The following GPHN variants were observed in gnomAD, a reference collection of about 807,000 sequenced individuals.
GPHN encodes the protein gephyrin.
Under a neutral mutation model 95.5 loss-of-function variants are expected in GPHN, and 17 were observed. That is an observed-to-expected ratio of 0.18 (90% CI 0.12 to 0.27). The LOEUF (loss-of-function observed/expected upper bound fraction) is 0.27. GPHN is among the 10% of genes least tolerant of loss of function. The pLI is 1.00. For synonymous variants in GPHN, 320 were observed against 322.5 expected, an observed-to-expected ratio of 0.99 and a Z score of 0.08; for missense variants, 660 against 978.1, an observed-to-expected ratio of 0.67 and a Z score of 4.34.
chr14:66,886,726 G>T, intron 5 of GPHN, among the ~76,000 whole-genome samples: 1 of 152,092 alleles, frequency 6.6e-6, no homozygotes, highest in Admixed American at 6.6e-5. Flanking sequence ...ACTGAACAGA[G>T]CCTAAGGGAC....
chr14:67,374,187 T>C, the GPHN span, among the ~76,000 whole-genome samples: 1 of 152,198 alleles, frequency 6.6e-6, no homozygotes, highest in African/African-American at 2.4e-5. Context: ...GAAATGTTCA[T>C]TGGAGCATTT....
At chr14:67,679,375 C>G in the GPHN span, among the ~76,000 whole-genome samples, 104 of 152,054 alleles carry the variant, frequency 6.8e-4, no homozygotes, top group African/African-American at 2.4e-3. Context: ...TTTCATATAC[C>G]CTCTCTTCAT....
At chr14:67,321,287 T>G in the GPHN span, 8 of 1,609,146 alleles carry the variant, frequency 5.0e-6, no homozygotes, top group Non-Finnish European at 6.8e-6. Flanking sequence ...TTTTAGGGTT[T>G]GAACTTAGAA....
At position 66,681,397 on chromosome 14, in the gene GPHN, A is replaced by C. The variant is rs561517234; in HGVS notation, c.143+212A>C. The stretch of plus-strand genomic sequence containing the variant: ...TGTCATGATTAATGATTGATTTTCA[A>C]GGAGGAATCCTGATGGCTGATGATA... On this transcript the variant is annotated intron_variant, in intron 2 of 22. Coordinates refer to ENST00000478722, the MANE Select transcript of GPHN (RefSeq NM_020806.5). Among the ~76,000 whole-genome samples the C allele has an allele frequency of 2.6e-5, 4 of 152,312 alleles. No individual in the cohort carries two copies. In the East Asian group the frequency reaches 7.7e-4, roughly 29 times the overall value.
intron 1 of GPHN, among the ~76,000 whole-genome samples, chr14:66,614,781 A>G: frequency 6.6e-6 from 1 of 152,086 alleles, no homozygotes; most frequent in East Asian, 1.9e-4. Flanking sequence ...ATACATATGC[A>G]GAACCTGCAG....
the GPHN span, among the ~76,000 whole-genome samples, chr14:67,506,301 C>T: frequency 6.6e-6 from 1 of 152,076 alleles, no homozygotes; most frequent in Non-Finnish European, 1.5e-5. Context: ...CTATGAATAA[C>T]CAGAAAAGTT....
At chr14:67,089,133 C>CT (rs1163483546) in intron 12 of GPHN, 58 bp downstream of exon 12, 15,320 of 196,610 alleles carry the variant, frequency 0.078, 25 homozygotes, top group Non-Finnish European at 0.087. Flanking sequence ...TTCTTTTTTT[C>CT]TTTTTTTTTT....
intron 9 of GPHN, among the ~76,000 whole-genome samples, chr14:67,019,103 C>G (rs1239467393): frequency 6.6e-6 from 1 of 152,114 alleles, no homozygotes; most frequent in Non-Finnish European, 1.5e-5. Context: ...TCCTGAAGAG[C>G]TGAAATAAGC....
At chr14:67,441,115 T>C in the GPHN span, among the ~76,000 whole-genome samples, 6 of 152,188 alleles carry the variant, frequency 3.9e-5, no homozygotes, top group African/African-American at 1.4e-4. Flanking sequence ...AACATTTAGA[T>C]GAACGTTTTT....
At chr14:67,393,199 A>G in the GPHN span, 4 of 1,613,896 alleles carry the variant, frequency 2.5e-6, no homozygotes, top group Non-Finnish European at 3.4e-6. Flanking sequence ...TGGGGCTTGA[A>G]CGGATTCCGG....
chr14:66,590,871 A>G (rs2061611427), intron 1 of GPHN, among the ~76,000 whole-genome samples: 1 of 152,194 alleles, frequency 6.6e-6, no homozygotes, highest in Non-Finnish European at 1.5e-5. Context: ...TTTCAGGCCA[A>G]TATCCCTGAT....
chr14:66,513,869 T>C (rs1252259108), intron 1 of GPHN, among the ~76,000 whole-genome samples: 2 of 151,990 alleles, frequency 1.3e-5, no homozygotes, highest in African/African-American at 4.8e-5. Context: ...TAGAGCTTCT[T>C]GAAAATTTTG....
chr14:66,780,434 A>G (rs1484234387), intron 3 of GPHN, among the ~76,000 whole-genome samples: 14 of 152,154 alleles, frequency 9.2e-5, no homozygotes, highest in Non-Finnish European at 1.9e-4. Context: ...CCCTAAAGGC[A>G]GAGTATTAAT....
the GPHN span, among the ~76,000 whole-genome samples, chr14:67,515,694 T>G: frequency 6.6e-6 from 1 of 152,056 alleles, no homozygotes. Context: ...CCCGCCTGCA[T>G]TTGAGTGTCT....
At chr14:67,678,306 A>C in the GPHN span, 1 of 1,548,372 alleles carries the variant, frequency 6.5e-7, no homozygotes, top group Non-Finnish European at 8.9e-7. Flanking sequence ...TCTTGGGTCC[A>C]ACTGGCACTG....
At chr14:67,562,897 A>G in the GPHN span, 1 of 1,611,042 alleles carries the variant, frequency 6.2e-7, no homozygotes, top group Non-Finnish European at 8.5e-7. Flanking sequence ...CATCCTGGGT[A>G]AGAGGCAACC....
At chr14:67,655,552 A>G in the GPHN span, among the ~76,000 whole-genome samples, 2 of 151,446 alleles carry the variant, frequency 1.3e-5, no homozygotes, top group Admixed American at 6.6e-5. Flanking sequence ...TTTTACTTAC[A>G]TAACAGTAAA....
At chr14:67,152,322 A>G (rs1487765298) in intron 18 of GPHN, among the ~76,000 whole-genome samples, 1 of 152,198 alleles carries the variant, frequency 6.6e-6, no homozygotes. Flanking sequence ...CCTTCACTAT[A>G]TCATTATGAT....
At chr14:66,692,695 G>C (rs1169764383) in intron 2 of GPHN, among the ~76,000 whole-genome samples, 1 of 151,940 alleles carries the variant, frequency 6.6e-6, no homozygotes, top group African/African-American at 2.4e-5. Context: ...TGACATTTTG[G>C]TCTCTATGAG....
Sources: allele counts gnomAD v4.1 joint callset (sites outside exome capture counted in the v4.1 genomes callset), GRCh38; gene constraint gnomAD v4.1.1; transcripts MANE v1.5; gene names NCBI Gene and HGNC (gene_info 2026-07-23, HGNC 2026-07-21).